Variants in FXYD7 observed in about 807,000 individuals in gnomAD.
FXYD7 encodes the protein FXYD domain containing ion transport regulator 7.
FXYD7 carries 7 observed loss-of-function variants against 15.3 expected under a neutral mutation model. That is an observed-to-expected ratio of 0.46 (90% CI 0.26 to 0.86). The LOEUF is 0.86. Ranked by LOEUF, FXYD7 falls within the 40% of genes least tolerant of loss-of-function variation. The pLI is 0.16. For synonymous variants in FXYD7, 39 were observed against 39.3 expected (o/e 0.99, Z 0.03); for missense variants, 78 against 100.6 (o/e 0.78, Z 0.96).
At position 35,143,450 on chromosome 19, in the gene FXYD7, G is replaced by A; in HGVS notation, c.31+86G>A. ...AGGGTGTCGGGAGATTCAAGCAATG[G>A]TAAGGCAAGGGAGTTGGGGGAGGGA... is the stretch of plus-strand genomic sequence containing the variant. On this transcript the variant is annotated intron_variant, in intron 1 of 5. Coordinates refer to ENST00000270310, the MANE Select transcript of FXYD7 (RefSeq NM_022006.2). This position sits in a 1 kb window ranked among gnomAD's most constrained non-coding sequence, Gnocchi z 4.3. 1 of 1,079,430 alleles carries A rather than the reference G, an allele frequency of 9.3e-7. No homozygotes were observed. The highest frequency in any genetic ancestry group is 1.3e-6 in the Non-Finnish European group (1 of 781,362). The allele number at this position is 1,079,430 out of a possible 1,614,324, so 66.9% of individuals were successfully genotyped here.
chr19:35,144,993 G>A (rs8105262), intron 1 of FXYD7, among the ~76,000 whole-genome samples: 53,539 of 151,930 alleles, frequency 0.35, 9,572 homozygotes, highest in South Asian at 0.54. Flanking sequence ...AGGAGGGAGA[G>A]TTAGGAGTGA....
chr19:35,151,866 C>A (rs559214511), intron 5 of FXYD7, among the ~76,000 whole-genome samples, 193 bp downstream of exon 5: 3 of 151,994 alleles, frequency 2.0e-5, no homozygotes, highest in African/African-American at 4.8e-5. Flanking sequence ...TGGCTGGGCG[C>A]GGTGGCTCAT....
intron 4 of FXYD7, 28 bp from the exon 5 acceptor site, chr19:35,151,605 C>G (rs767746532): frequency 6.4e-5 from 103 of 1,609,866 alleles, no homozygotes; most frequent in Non-Finnish European, 8.7e-5. Flanking sequence ...CCTCTTTCTA[C>G]TTTTCTCTCT....
chr19:35,149,298 T>C (rs2145397362), intron 2 of FXYD7: 1 of 335,446 alleles, frequency 3.0e-6, no homozygotes, highest in Non-Finnish European at 5.9e-6. Context: ...TCATACTTTT[T>C]CCCTAGGTGT....
Position 35,148,738 on chromosome 19 carries a change from TG to T in FXYD7, c.61+19del. 1 of 1,608,328 alleles carries T rather than the reference TG, an allele frequency of 6.2e-7. No homozygotes were observed. On this transcript the variant is annotated intron_variant, in intron 2 of 5. Coordinates refer to ENST00000270310, the MANE Select transcript of FXYD7 (RefSeq NM_022006.2). ...ATTTTACTATGGTGAGTGTTGGATT[TG>T]GGGATAGGGCTGGACTGGGGAGTAG...
In FXYD7 at chr19:35,152,134, C is replaced by CAAAAAAAAAAA. The variant is rs71167517; in HGVS notation, c.220+472_220+482dup. On this transcript the variant is annotated intron_variant, in intron 5 of 5. Transcript: ENST00000270310. ...AGCCTGGGTGATAGAGTGAGACTGT[C>CAAAAAAAAAAA]AAAAAAAAAAAAAAAAAAAAAGAGG... Among the ~76,000 whole-genome samples the CAAAAAAAAAAA allele has an allele frequency of 6.8e-3, 309 of 45,128 alleles. 14 individuals carry two copies. The highest frequency in any genetic ancestry group is 8.5e-3 in the Non-Finnish European group (219 of 25,740). The allele number at this position is 45,128 out of a possible 152,430, so 29.6% of individuals were successfully genotyped here.
In FXYD7 at chr19:35,143,759, A is replaced by G. The variant is rs1374788632; in HGVS notation, c.31+395A>G. Reference sequence around the variant, plus strand: ...GATTTCAGGGTCCCTGGGGTGGGCAAGGGAAGGGGAGGAGGTTCATGTCCC... The same window carrying G: ...GATTTCAGGGTCCCTGGGGTGGGCAGGGGAAGGGGAGGAGGTTCATGTCCC... On this transcript the variant is annotated intron_variant, in intron 1 of 5. Transcript: ENST00000270310. The surrounding 1 kb of genome is among the most constrained non-coding windows in gnomAD (Gnocchi z 4.3). 6.6e-6 allele frequency among the ~76,000 whole-genome samples: 1 copy of G among 152,106 alleles called. No individual in the cohort carries two copies. The highest frequency in any genetic ancestry group is 1.5e-5 in the Non-Finnish European group (1 of 68,000).
At chr19:35,149,811 T>A (rs2145397689) in intron 2 of FXYD7, 1 of 152,332 alleles carries the variant, frequency 6.6e-6, no homozygotes, top group Non-Finnish European at 1.5e-5. Context: ...AAGAATATTA[T>A]TGGCCAGGTA....
At chr19:35,153,742 G>T in intron 5 of FXYD7, 152 bp from the exon 6 acceptor site, 1 of 684,818 alleles carries the variant, frequency 1.5e-6, no homozygotes. Context: ...ACATTAGAGT[G>T]TGGGAGGCAA....
chr19:35,147,574 G>A (rs779385838), intron 1 of FXYD7, among the ~76,000 whole-genome samples: 2 of 152,208 alleles, frequency 1.3e-5, no homozygotes, highest in East Asian at 3.8e-4. Flanking sequence ...AAATCATTAT[G>A]TGTCTTCTAA....
At chr19:35,152,279 C>T (rs530597887) in intron 5 of FXYD7, among the ~76,000 whole-genome samples, 39 of 149,228 alleles carry the variant, frequency 2.6e-4, no homozygotes, top group African/African-American at 9.2e-4. Context: ...GAAACAAATG[C>T]TCAAGCCTAT....
intron 1 of FXYD7, among the ~76,000 whole-genome samples, chr19:35,147,790 T>G (rs1216307732): frequency 6.6e-6 from 1 of 151,670 alleles, no homozygotes; most frequent in East Asian, 1.9e-4. Flanking sequence ...GGTCAGGAGT[T>G]TGAGACCAGC....
At chr19:35,148,904 G>C (rs748691935) in intron 2 of FXYD7, 181 bp downstream of exon 2, 27 of 735,850 alleles carry the variant, frequency 3.7e-5, no homozygotes, top group South Asian at 2.9e-4. Flanking sequence ...AGATGGGGGA[G>C]TGGGGATGCC....
intron 1 of FXYD7, among the ~76,000 whole-genome samples, chr19:35,147,439 G>A (rs372058115): frequency 6.6e-6 from 1 of 152,324 alleles, no homozygotes; most frequent in East Asian, 1.9e-4. Context: ...GGATGAACTT[G>A]TTGAATGGGA....
At chr19:35,149,362 C>T (rs1313778401) in intron 2 of FXYD7, 1 of 304,274 alleles carries the variant, frequency 3.3e-6, no homozygotes, top group Non-Finnish European at 6.5e-6. Flanking sequence ...TGCAGTAATG[C>T]TTCTCCTTTG....
At chr19:35,151,534 G>C (rs759257262) in intron 4 of FXYD7, 52 bp downstream of exon 4, 15 of 1,598,160 alleles carry the variant, frequency 9.4e-6, no homozygotes, top group Non-Finnish European at 1.3e-5. Context: ...TGCCTCCCTA[G>C]CAGATGGGCA....
intron 5 of FXYD7, among the ~76,000 whole-genome samples, chr19:35,152,134 CAAAAAAAAAAA>C (rs71167517): frequency 4.4e-5 from 2 of 45,138 alleles, no homozygotes; most frequent in African/African-American, 1.7e-4. Context: ...GTGAGACTGT[CAAAAAAAAAAA>C]AAAAAAAAAA....
At position 35,143,867 on chromosome 19, in the gene FXYD7, AAG is replaced by A. The variant is rs959747766; in HGVS notation, c.31+504_31+505del. On this transcript the variant is annotated intron_variant, in intron 1 of 5. Coordinates refer to ENST00000270310, the MANE Select transcript of FXYD7 (RefSeq NM_022006.2). This position sits in a 1 kb window ranked among gnomAD's most constrained non-coding sequence, Gnocchi z 4.3. ...GTTCAGAGGAAAGGAGTGAGAGCTG[AAG>A]GAAGAGACAGAGAGAAGGGATATAG... 9.2e-5 allele frequency among the ~76,000 whole-genome samples: 14 copies of A among 152,170 alleles called. No homozygotes were observed. Among genetic ancestry groups the A allele is most frequent in the African/African-American group, 3.1e-4 (13 of 41,442 alleles).
At chr19:35,149,000 C>T in intron 2 of FXYD7, 1 of 600,230 alleles carries the variant, frequency 1.7e-6, no homozygotes, top group South Asian at 1.5e-5. Context: ...GAAGGAAAAC[C>T]TTAGAAGCAA....
Sources: gnomAD v4.1 joint callset for allele counts (sites outside exome capture counted in the v4.1 genomes callset) on GRCh38, gnomAD v4.1.1 for gene constraint, Gnocchi (gnomAD v3.1) non-coding constraint, MANE v1.5 for transcripts, NCBI Gene and HGNC (gene_info 2026-07-23, HGNC 2026-07-21) for gene names.